The following ENAH variants were observed in gnomAD, a reference collection of about 807,000 sequenced individuals.
ENAH encodes the protein protein enabled homolog.
In ENAH, 23 loss-of-function variants were observed where a neutral mutation model predicts 78.7. The observed-to-expected ratio is 0.29, with a 90% confidence interval of 0.21 to 0.41. The LOEUF (loss-of-function observed/expected upper bound fraction) is 0.41, where lower values mean the gene tolerates loss of function less well. Among genes scored for constraint, ENAH ranks in the 10% least tolerant of loss-of-function variants. The pLI is 1.00. For missense variants in ENAH, 544 were observed against 691.0 expected, an observed-to-expected ratio of 0.79 and a Z score of 2.39; for synonymous variants, 226 against 241.0, an observed-to-expected ratio of 0.94 and a Z score of 0.58.
chr1:225,578,782 G>A (rs1442970488), intron 1 of ENAH, among the ~76,000 whole-genome samples: 1 of 152,096 alleles, frequency 6.6e-6, no homozygotes, highest in East Asian at 1.9e-4. Flanking sequence ...TATCAATGAG[G>A]AAAAATCTTA....
In ENAH at chr1:225,590,040, T is replaced by G. The variant is rs114319909; in HGVS notation, c.6-22626A>C. 1.7e-3 allele frequency among the ~76,000 whole-genome samples: 261 copies of G among 150,392 alleles called. 1 individual carries two copies. Among genetic ancestry groups the G allele is most frequent in the African/African-American group, 5.9e-3 (242 of 40,812 alleles). On this transcript the variant is annotated intron_variant, in intron 1 of 13. Coordinates refer to ENST00000366843, the MANE Select transcript of ENAH (RefSeq NM_018212.6). ...AACAACATATAAATGATAATAAAATTTGGTAGATGCTGTGGTGACTAATTG... is the reference window on the plus strand; with the variant it reads ...AACAACATATAAATGATAATAAAATGTGGTAGATGCTGTGGTGACTAATTG...
At chr1:225,632,623 T>C (rs1659300182) in intron 1 of ENAH, among the ~76,000 whole-genome samples, 1 of 152,228 alleles carries the variant, frequency 6.6e-6, no homozygotes, top group African/African-American at 2.4e-5. Flanking sequence ...AAAAGCACAT[T>C]ATATTTGCAA....
intron 3 of ENAH, among the ~76,000 whole-genome samples, chr1:225,546,002 T>C (rs1272038145): frequency 6.8e-6 from 1 of 147,172 alleles, no homozygotes; most frequent in Non-Finnish European, 1.5e-5. Context: ...TAGCTCACTG[T>C]AAACTCAAAC....
At chr1:225,511,923 G>T in intron 9 of ENAH, 64 bp from the exon 10 acceptor site, 1 of 1,067,404 alleles carries the variant, frequency 9.4e-7, no homozygotes, top group Non-Finnish European at 1.4e-6. Flanking sequence ...TACATTTAGT[G>T]TTTTACACGA....
intron 1 of ENAH, among the ~76,000 whole-genome samples, chr1:225,604,464 C>T (rs1202110312): frequency 6.6e-6 from 1 of 151,728 alleles, no homozygotes; most frequent in East Asian, 1.9e-4. Context: ...GTGCCTTATC[C>T]ACTAGAAAAA....
chr1:225,505,349 A>ACG (rs1360520255), intron 11 of ENAH, among the ~76,000 whole-genome samples: 4 of 152,184 alleles, frequency 2.6e-5, no homozygotes, highest in African/African-American at 9.7e-5. Context: ...GAGGCATGTA[A>ACG]AGGACTAGTT....
rs1575298849 is a variant in ENAH, at chr1:225,500,973, G to A, written c.1617+19C>T. ...AAGAAACAAGTACAAATAAAGGAAA[G>A]CTGCCACTGAGCACCCACCTGCTTC... On this transcript the variant is annotated intron_variant, in intron 12 of 13. Coordinates refer to ENST00000366843, the MANE Select transcript of ENAH (RefSeq NM_018212.6). 1 of 1,609,226 alleles carries A rather than the reference G, an allele frequency of 6.2e-7. No individual in the cohort carries two copies. Among genetic ancestry groups the A allele is most frequent in the Non-Finnish European group, 8.5e-7 (1 of 1,176,942 alleles).
In ENAH at chr1:225,535,673, C is replaced by T. The variant is rs995145395; in HGVS notation, c.350-5035G>A. 6 of 414,806 alleles carry T rather than the reference C, an allele frequency of 1.4e-5. No individual in the cohort carries two copies. In the East Asian group the frequency reaches 3.1e-4, roughly 21 times the overall value. The allele number at this position is 414,806 out of a possible 1,614,324, so 25.7% of individuals were successfully genotyped here. On this transcript the variant is annotated intron_variant, in intron 3 of 13. Transcript: ENST00000366843. ...AATGTTCAAAATGTATTTATACATA[C>T]GTCCTATCTAGATCCTCATCCTGGA...
rs191114053 is a variant in ENAH, at chr1:225,641,020, C to T, written c.5+11666G>A. On this transcript the variant is annotated intron_variant, in intron 1 of 13. Transcript: ENST00000366843. ...CTGGGACTACAGGCGCCCGCCACCA[C>T]GCCTGACTAATTTTTTGTATTTTTA... 1.5e-4 allele frequency among the ~76,000 whole-genome samples: 22 copies of T among 151,462 alleles called. No homozygotes were observed. In the South Asian group the frequency reaches 2.7e-3, roughly 19 times the overall value.
At chr1:225,555,161 T>C in intron 2 of ENAH, 78 bp from the exon 3 acceptor site, 1 of 1,265,302 alleles carries the variant, frequency 7.9e-7, no homozygotes, top group Non-Finnish European at 1.1e-6. Flanking sequence ...TGATTGTATA[T>C]ATTCATTCAA....
chr1:225,568,773 A>G (rs1188020816), intron 1 of ENAH, among the ~76,000 whole-genome samples: 2 of 152,242 alleles, frequency 1.3e-5, no homozygotes, highest in East Asian at 3.8e-4. Flanking sequence ...CATGTGTTTT[A>G]TTCTTGTCCT....
chr1:225,506,881 C>G (rs1387284446), intron 11 of ENAH, among the ~76,000 whole-genome samples: 2 of 152,086 alleles, frequency 1.3e-5, no homozygotes, highest in African/African-American at 4.8e-5. Flanking sequence ...CTGTACTTAT[C>G]TTTATTAGGT....
chr1:225,531,887 A>G (rs2096539427), intron 3 of ENAH, among the ~76,000 whole-genome samples: 2 of 152,028 alleles, frequency 1.3e-5, no homozygotes, highest in African/African-American at 4.8e-5. Context: ...CTCTTTACAA[A>G]TGTTTTTAGA....
intron 1 of ENAH, among the ~76,000 whole-genome samples, chr1:225,618,345 C>G (rs913136442): frequency 2.0e-5 from 3 of 152,152 alleles, no homozygotes; most frequent in Non-Finnish European, 2.9e-5. Context: ...GCCAGCAGCT[C>G]TTTATATGAA....
intron 1 of ENAH, among the ~76,000 whole-genome samples, chr1:225,612,388 G>A (rs2096995362): frequency 6.6e-6 from 1 of 152,184 alleles, no homozygotes; most frequent in African/African-American, 2.4e-5. Context: ...AATCCATGGA[G>A]ACAGAAAGCA....
chr1:225,512,756 T>G, intron 8 of ENAH, 42 bp from the exon 9 acceptor site: 2 of 1,610,858 alleles, frequency 1.2e-6, no homozygotes, highest in Non-Finnish European at 8.5e-7. Flanking sequence ...TATTATCTGA[T>G]TCAGTATAAA....
At chr1:225,552,709 C>A (rs1023084139) in intron 3 of ENAH, among the ~76,000 whole-genome samples, 1 of 152,074 alleles carries the variant, frequency 6.6e-6, no homozygotes, top group South Asian at 2.1e-4. Flanking sequence ...CTTTCCTCAG[C>A]CCCTAGTATG....
At chr1:225,574,372 G>A (rs189540458) in intron 1 of ENAH, among the ~76,000 whole-genome samples, 240 of 152,270 alleles carry the variant, frequency 1.6e-3, no homozygotes, top group African/African-American at 5.4e-3. Flanking sequence ...AGGCTGAGGT[G>A]AGTGGATCAC....
intron 1 of ENAH, among the ~76,000 whole-genome samples, chr1:225,644,224 T>C (rs1307241469): frequency 6.6e-6 from 1 of 151,986 alleles, no homozygotes; most frequent in Non-Finnish European, 1.5e-5. Context: ...GTTCAAAATC[T>C]GTACTACTTT....
Sources: allele counts gnomAD v4.1 joint callset (sites outside exome capture counted in the v4.1 genomes callset), GRCh38; gene constraint gnomAD v4.1.1; transcripts MANE v1.5; gene names NCBI Gene and HGNC (gene_info 2026-07-23, HGNC 2026-07-21).